Variants in COL25A1 observed in about 807,000 individuals in gnomAD.
The protein encoded by COL25A1 is collagen type XXV alpha 1 chain.
COL25A1 carries 103 observed loss-of-function variants against 128.4 expected under a neutral mutation model. That is an observed-to-expected ratio of 0.80 (90% confidence interval 0.68 to 0.94). The LOEUF (loss-of-function observed/expected upper bound fraction) is 0.94. Among genes scored for constraint, COL25A1 ranks in the 40% least tolerant of loss-of-function variants. The probability of loss-of-function intolerance (pLI) is 0.00; values close to 1 mark genes in which losing one functional copy is unlikely to be tolerated. For synonymous variants in COL25A1, 279 were observed against 277.2 expected, an observed-to-expected ratio of 1.01 and a Z score of -0.06; for missense variants, 745 against 840.0, an observed-to-expected ratio of 0.89 and a Z score of 1.40.
At chr4:108,997,157 A>G (rs1754864036) in intron 6 of COL25A1, among the ~76,000 whole-genome samples, 1 of 152,214 alleles carries the variant, frequency 6.6e-6, no homozygotes, top group Admixed American at 6.5e-5. Flanking sequence ...AGAGACACAA[A>G]AAACCCTTCA....
At chr4:108,994,875 G>A (rs1363609345) in intron 6 of COL25A1, among the ~76,000 whole-genome samples, 1 of 152,152 alleles carries the variant, frequency 6.6e-6, no homozygotes, top group Non-Finnish European at 1.5e-5. Context: ...TGCAGCTGAG[G>A]GGCCTGTTAG....
At chr4:108,972,231 G>A (rs1751986931) in intron 8 of COL25A1, among the ~76,000 whole-genome samples, 1 of 152,064 alleles carries the variant, frequency 6.6e-6, no homozygotes, top group African/African-American at 2.4e-5. Flanking sequence ...TTCAAAATCT[G>A]CAACAGGATG....
At chr4:108,846,750 A>G (rs527312101) in intron 27 of COL25A1, among the ~76,000 whole-genome samples, 1 of 152,238 alleles carries the variant, frequency 6.6e-6, no homozygotes, top group African/African-American at 2.4e-5. Context: ...CTAACGCTCA[A>G]TCAATGCTTA....
At chr4:108,910,326 T>G (rs1334145486) in intron 13 of COL25A1, among the ~76,000 whole-genome samples, 1 of 152,212 alleles carries the variant, frequency 6.6e-6, no homozygotes. Context: ...AGATAATACT[T>G]CTTACTGATA....
chr4:109,075,682 AATATATTAAGAATTTTAT>A (rs1403381877), intron 3 of COL25A1, among the ~76,000 whole-genome samples: 1 of 152,134 alleles, frequency 6.6e-6, no homozygotes, highest in East Asian at 1.9e-4. Context: ...ATGTAATAAA[AATATATTAAGAATTTTAT>A]GCCTTTCACT....
intron 18 of COL25A1, among the ~76,000 whole-genome samples, chr4:108,886,442 TTG>T (rs375825376): frequency 0.12 from 9,784 of 81,276 alleles, 434 homozygotes; most frequent in Non-Finnish European, 0.15. Flanking sequence ...CTATGAGATT[TTG>T]TGTGTGTGTG....
intron 3 of COL25A1, among the ~76,000 whole-genome samples, chr4:109,143,234 C>T (rs1037889813): frequency 1.3e-5 from 2 of 152,186 alleles, no homozygotes; most frequent in Non-Finnish European, 2.9e-5. Flanking sequence ...ATATTGGCCT[C>T]CACTCTCTTC....
chr4:108,823,912 G>T, intron 35 of COL25A1: 9 of 1,376,148 alleles, frequency 6.5e-6, no homozygotes, highest in Non-Finnish European at 6.5e-6. Flanking sequence ...TCCATAAATT[G>T]GTGTCAGGTG....
At chr4:109,058,393 A>G (rs1290478364) in intron 3 of COL25A1, among the ~76,000 whole-genome samples, 2 of 152,162 alleles carry the variant, frequency 1.3e-5, no homozygotes, top group Non-Finnish European at 2.9e-5. Flanking sequence ...AGTGGCCATT[A>G]TCTATACAAC....
chr4:108,900,741 T>C (rs186561470), intron 14 of COL25A1, among the ~76,000 whole-genome samples: 1 of 152,250 alleles, frequency 6.6e-6, no homozygotes, highest in Admixed American at 6.6e-5. Context: ...CCATAGTGAA[T>C]GTCATCTTTA....
chr4:109,189,660 A>G (rs186335338), intron 3 of COL25A1, among the ~76,000 whole-genome samples: 1 of 152,240 alleles, frequency 6.6e-6, no homozygotes, highest in East Asian at 1.9e-4. Flanking sequence ...TCCATTTCAC[A>G]AAGTCCACCT....
chr4:109,197,423 A>G (rs1276355361), intron 3 of COL25A1, among the ~76,000 whole-genome samples: 1 of 126,108 alleles, frequency 7.9e-6, no homozygotes, highest in East Asian at 2.0e-4. Flanking sequence ...ATTATATATT[A>G]TATATAAATA....
At chr4:108,931,350 G>T (rs902610925) in intron 11 of COL25A1, among the ~76,000 whole-genome samples, 3 of 152,144 alleles carry the variant, frequency 2.0e-5, no homozygotes, top group African/African-American at 7.2e-5. Flanking sequence ...TTGTCCAAAT[G>T]ATAGAGCTTA....
chr4:109,257,533 A>G (rs1158845625), intron 3 of COL25A1, among the ~76,000 whole-genome samples: 5 of 152,234 alleles, frequency 3.3e-5, no homozygotes, highest in African/African-American at 1.2e-4. Context: ...GAACAAAAGG[A>G]GCAAATGAAA....
intron 30 of COL25A1, among the ~76,000 whole-genome samples, chr4:108,842,426 A>G (rs1734557437): frequency 1.3e-5 from 2 of 152,242 alleles, no homozygotes; most frequent in African/African-American, 4.8e-5. Flanking sequence ...GAAAATCTAA[A>G]TATACAGACT....
At chr4:109,019,349 T>TAC (rs758326280) in intron 5 of COL25A1, among the ~76,000 whole-genome samples, 1,593 of 53,964 alleles carry the variant, frequency 0.03, 52 homozygotes, top group South Asian at 0.037. Flanking sequence ...TACACACACA[T>TAC]ACACACACAC....
Position 108,999,554 on chromosome 4 carries a change from G to T in COL25A1, c.438+10804C>A, listed in dbSNP as rs535951756. Among the ~76,000 whole-genome samples, 48 of 152,336 alleles carry T rather than the reference G, an allele frequency of 3.2e-4. No homozygotes were observed. In the South Asian group the frequency reaches 9.9e-3, roughly 32 times the overall value. ...TAGTTCAACCATTGTGGAAGACAGTGTGGCGATTCCTCAAGGATCTAGAAC... is the reference window on the plus strand; with the variant it reads ...TAGTTCAACCATTGTGGAAGACAGTTTGGCGATTCCTCAAGGATCTAGAAC... On this transcript the variant is annotated intron_variant, in intron 6 of 37. Transcript: ENST00000399132.
At chr4:109,031,180 C>G (rs868773686) in intron 5 of COL25A1, among the ~76,000 whole-genome samples, 1 of 152,168 alleles carries the variant, frequency 6.6e-6, no homozygotes, top group Non-Finnish European at 1.5e-5. Flanking sequence ...GGCGCGATCT[C>G]GGCTCACTGC....
intron 15 of COL25A1, among the ~76,000 whole-genome samples, chr4:108,897,130 C>T (rs1742238558): frequency 6.6e-6 from 1 of 152,110 alleles, no homozygotes; most frequent in Non-Finnish European, 1.5e-5. Context: ...CTTTCCCTTT[C>T]CATCTGTATA....
Sources: gnomAD v4.1 joint callset for allele counts (sites outside exome capture counted in the v4.1 genomes callset) on GRCh38, gnomAD v4.1.1 for gene constraint, MANE v1.5 for transcripts, NCBI Gene and HGNC (gene_info 2026-07-23, HGNC 2026-07-21) for gene names.